DTWD2: variants seen among roughly 807,000 people sequenced by gnomAD.
DTWD2 encodes DTW motif tRNA-uridine aminocarboxypropyltransferase 2.
Under a neutral mutation model 31.8 loss-of-function variants are expected in DTWD2, and 39 were observed. The ratio of observed to expected loss-of-function variants is 1.22; its 90% CI spans 0.95 to 1.60. DTWD2 has a LOEUF of 1.60. Among genes scored for constraint, DTWD2 ranks in the 40% most tolerant of loss-of-function variants. The pLI is 0.00. For missense variants in DTWD2, 515 were observed against 381.5 expected (o/e 1.35, Z -2.92); for synonymous variants, 180 against 142.8 (o/e 1.26, Z -1.86).
At chr5:118,974,023 T>G in intron 1 of DTWD2, 1 of 1,603,250 alleles carries the variant, frequency 6.2e-7, no homozygotes, top group Middle Eastern at 2.2e-4. Flanking sequence ...AGGATGGAGA[T>G]GAAGATGAGG....
intron 2 of DTWD2, among the ~76,000 whole-genome samples, chr5:118,942,992 T>C (rs114657963): frequency 0.011 from 1,706 of 152,062 alleles, 30 homozygotes; most frequent in African/African-American, 0.039. Context: ...TTTATAGAGA[T>C]GGGGTCTCGC....
At chr5:118,890,873 T>C (rs6860946) in intron 4 of DTWD2, among the ~76,000 whole-genome samples, 1 of 151,882 alleles carries the variant, frequency 6.6e-6, no homozygotes, top group Non-Finnish European at 1.5e-5. Flanking sequence ...CCAGCCCAAA[T>C]GTGTGTTTTA....
At chr5:118,987,473 C>T (rs1461403108) in intron 1 of DTWD2, among the ~76,000 whole-genome samples, 2 of 152,220 alleles carry the variant, frequency 1.3e-5, no homozygotes, top group Non-Finnish European at 2.9e-5. Flanking sequence ...GAATGCTTTT[C>T]CCCTGGCTGG....
At chr5:118,965,319 C>T (rs1754812429) in intron 1 of DTWD2, among the ~76,000 whole-genome samples, 1 of 149,250 alleles carries the variant, frequency 6.7e-6, no homozygotes, top group Non-Finnish European at 1.5e-5. Flanking sequence ...GGGGCGTCTC[C>T]GCTCAGCCGC....
At chr5:118,962,873 G>C (rs544384178) in intron 1 of DTWD2, among the ~76,000 whole-genome samples, 4 of 152,302 alleles carry the variant, frequency 2.6e-5, no homozygotes, top group South Asian at 2.1e-4. Flanking sequence ...GCTTGGTTCT[G>C]TCTGATTCCA....
intron 5 of DTWD2, among the ~76,000 whole-genome samples, chr5:118,843,518 T>C (rs921960964): frequency 1.3e-5 from 2 of 152,198 alleles, no homozygotes; most frequent in African/African-American, 2.4e-5. Flanking sequence ...TAACTATATA[T>C]GACTTTACGT....
At position 118,939,254 on chromosome 5, in the gene DTWD2, C is replaced by T; in HGVS notation, c.346G>A (p.Ala116Thr). 1.2e-6 allele frequency: 2 copies of T among 1,600,388 alleles called. No homozygotes were observed. Among genetic ancestry groups the T allele is most frequent in the Admixed American group, 1.7e-5 (1 of 58,028 alleles). ...KVLRTVPLLAACLPQDKCKVK... is the reference protein window; with the variant it reads ...KVLRTVPLLATCLPQDKCKVK... ...TTACACTTGTCCTGGGGGAGGCATG[C>T]TGCTAGTAGAGGAACTGTACGCAAC... Residue 116 changes from alanine (A) to threonine (T), a missense_variant, in exon 3 of 6, where the codon GCA becomes ACA. Transcript: ENST00000510708.
In DTWD2 at chr5:118,988,362, G is replaced by T. The variant is rs559537281; in HGVS notation, c.150C>A (p.Asp50Glu). 1.3e-6 allele frequency: 2 copies of T among 1,568,594 alleles called. No individual in the cohort carries two copies. Among genetic ancestry groups the T allele is most frequent in the East Asian group, 2.4e-5 (1 of 42,206 alleles). ...GCAGCTCCCACAGCCCGTCCGCACT[G>T]TCGTCGTCCGCCTCTGCGCCCAGGG... ...AAALGAEADDDSADGLWELPV... is the reference protein window; with the variant it reads ...AAALGAEADDESADGLWELPV... The change falls in exon 1 of 6, where the codon GAC (aspartate) becomes GAA (glutamate). Residue 50 changes from aspartate (D) to glutamate (E), a missense_variant. Asp to Glu is a conservative substitution (Grantham distance 45). Transcript: ENST00000510708.
At chr5:118,868,382 G>A (rs1299165567) in intron 4 of DTWD2, among the ~76,000 whole-genome samples, 1 of 151,942 alleles carries the variant, frequency 6.6e-6, no homozygotes, top group African/African-American at 2.4e-5. Flanking sequence ...GACACCAAAC[G>A]TACCGGCAAC....
At chr5:118,861,375 G>C (rs957022333) in intron 4 of DTWD2, among the ~76,000 whole-genome samples, 3 of 152,200 alleles carry the variant, frequency 2.0e-5, no homozygotes, top group African/African-American at 7.2e-5. Flanking sequence ...CATTTCAACA[G>C]TGCTGAAAGC....
chr5:118,934,757 T>C (rs1753999796), intron 3 of DTWD2, among the ~76,000 whole-genome samples: 1 of 151,932 alleles, frequency 6.6e-6, no homozygotes, highest in Non-Finnish European at 1.5e-5. Context: ...GAAAATGAAA[T>C]AAACTCCCCA....
rs1751903513 is a variant in DTWD2 at position 118,848,142 on chromosome 5, T to A, written c.674A>T (p.Glu225Val). 1 of 1,607,202 alleles carries A rather than the reference T, an allele frequency of 6.2e-7. No individual in the cohort carries two copies. The highest frequency in any genetic ancestry group is 8.5e-7 in the Non-Finnish European group (1 of 1,176,978). Residue 225 changes from glutamate to valine, a missense_variant, in exon 5 of 6, where the codon GAG (glutamate) becomes GTG (valine). Transcript: ENST00000510708. ...GATGGAAAGAGCAACAGCTGCACAC[T>A]CCAGTGTAGAAAGGCATCTATTAGT... is the stretch of plus-strand genomic sequence containing the variant. ...QPTNRCLSTL[E>V]CAAVALSILE... is the part of the protein sequence containing the mutation.
intron 1 of DTWD2, among the ~76,000 whole-genome samples, chr5:118,983,332 T>C (rs552953559): frequency 1.2e-4 from 19 of 152,306 alleles, no homozygotes; most frequent in African/African-American, 4.6e-4. Context: ...CTTCCCACTG[T>C]CACAAAAGCC....
chr5:118,871,407 C>A (rs1157193108), intron 4 of DTWD2, among the ~76,000 whole-genome samples: 1 of 152,146 alleles, frequency 6.6e-6, no homozygotes, highest in Non-Finnish European at 1.5e-5. Flanking sequence ...CTTACTTTTT[C>A]CAGATCCATC....
chr5:118,932,588 T>C lies in DTWD2; in HGVS notation c.405-3859A>G, dbSNP rs141434346. Reference sequence around the variant, plus strand: ...GAAAAATCACCTTTAAAGAAGTGATTAAGTTAAAATGAAGCCATTAGGGTG... The same window carrying C: ...GAAAAATCACCTTTAAAGAAGTGATCAAGTTAAAATGAAGCCATTAGGGTG... On this transcript the variant is annotated intron_variant, in intron 3 of 5. Transcript: ENST00000510708. Among the ~76,000 whole-genome samples, 12 of 152,248 alleles carry C rather than the reference T, an allele frequency of 7.9e-5. No individual in the cohort carries two copies. The East Asian group carries it at 1.5e-3, about 20-fold the overall frequency.
intron 4 of DTWD2, among the ~76,000 whole-genome samples, chr5:118,912,714 T>C (rs1406701237): frequency 2.0e-5 from 3 of 152,240 alleles, no homozygotes; most frequent in Non-Finnish European, 2.9e-5. Context: ...CTTTGAAATA[T>C]ATATGGCAAT....
At chr5:118,879,077 C>T (rs555226020) in intron 4 of DTWD2, among the ~76,000 whole-genome samples, 5 of 152,170 alleles carry the variant, frequency 3.3e-5, no homozygotes, top group South Asian at 4.2e-4. Context: ...AAGGCAGTTT[C>T]GAGATGACTC....
intron 4 of DTWD2, among the ~76,000 whole-genome samples, chr5:118,861,019 T>C (rs1284376621): frequency 6.6e-6 from 1 of 152,216 alleles, no homozygotes; most frequent in Non-Finnish European, 1.5e-5. Context: ...AATTCATTTG[T>C]ATGCATGACT....
At chr5:118,884,133 A>C (rs1198123077) in intron 4 of DTWD2, among the ~76,000 whole-genome samples, 1 of 152,242 alleles carries the variant, frequency 6.6e-6, no homozygotes, top group Non-Finnish European at 1.5e-5. Flanking sequence ...GAATGTTCTT[A>C]ATAAAATTCT....
Sources: allele counts gnomAD v4.1 joint callset (sites outside exome capture counted in the v4.1 genomes callset), GRCh38; gene constraint gnomAD v4.1.1; transcripts MANE v1.5; gene names NCBI Gene and HGNC (gene_info 2026-07-23, HGNC 2026-07-21).